KIAA1549: variants seen among roughly 807,000 people sequenced by gnomAD.
The protein encoded by KIAA1549 is UPF0606 protein KIAA1549.
KIAA1549 carries 70 observed loss-of-function variants against 156.4 expected under a neutral mutation model. The ratio of observed to expected loss-of-function variants is 0.45; its 90% confidence interval spans 0.37 to 0.55. The LOEUF is 0.55. Among genes scored for constraint, KIAA1549 ranks in the 20% least tolerant of loss-of-function variants. KIAA1549 has a pLI of 0.00. For synonymous variants in KIAA1549, 1,103 were observed against 1,066.4 expected (o/e 1.03, Z -0.67); for missense variants, 2,428 against 2,540.9 (o/e 0.96, Z 0.96).
chr7:138,935,271 T>C (rs1396545589), intron 1 of KIAA1549, among the ~76,000 whole-genome samples: 3 of 152,244 alleles, frequency 2.0e-5, no homozygotes, highest in African/African-American at 7.2e-5. Flanking sequence ...TGCATGACTT[T>C]CTCATTTGAG....
At chr7:138,890,176 G>T (rs976791200) in intron 10 of KIAA1549, among the ~76,000 whole-genome samples, 1 of 152,200 alleles carries the variant, frequency 6.6e-6, no homozygotes, top group African/African-American at 2.4e-5. Context: ...CCAGGAGACT[G>T]ACTGGTGGGC....
intron 1 of KIAA1549, among the ~76,000 whole-genome samples, chr7:138,964,112 C>T (rs1813942266): frequency 1.3e-5 from 2 of 152,204 alleles, no homozygotes; most frequent in African/African-American, 4.8e-5. Flanking sequence ...TTTCTCTTAA[C>T]CTACGTTTGG....
chr7:138,915,733 T>G (rs532124997), intron 2 of KIAA1549, among the ~76,000 whole-genome samples: 138 of 152,200 alleles, frequency 9.1e-4, no homozygotes, highest in Non-Finnish European at 1.6e-3. Flanking sequence ...CCTTTTTCAT[T>G]TCTGTCCTCC....
chr7:138,960,400 C>CA (rs1438150083), intron 1 of KIAA1549, among the ~76,000 whole-genome samples: 11 of 104,128 alleles, frequency 1.1e-4, no homozygotes, highest in Admixed American at 3.8e-4. Context: ...ACCTCTGCCC[C>CA]CCGGTTCAAG....
chr7:138,906,187 G>GA (rs1812000873), intron 6 of KIAA1549, among the ~76,000 whole-genome samples: 1 of 152,112 alleles, frequency 6.6e-6, no homozygotes, highest in Non-Finnish European at 1.5e-5. Flanking sequence ...TATTTCATTT[G>GA]AAAAAAGTGG....
intron 15 of KIAA1549, among the ~76,000 whole-genome samples, chr7:138,862,232 C>T (rs1314939993): frequency 6.6e-6 from 1 of 152,098 alleles, no homozygotes; most frequent in East Asian, 1.9e-4. Context: ...CAGTGGCTCA[C>T]ACCTGTAATC....
intron 1 of KIAA1549, among the ~76,000 whole-genome samples, chr7:138,922,349 G>A (rs753765497): frequency 7.9e-5 from 12 of 152,172 alleles, no homozygotes; most frequent in Non-Finnish European, 1.6e-4. Flanking sequence ...AGCTAGAGTT[G>A]CAGAGCACAG....
intron 8 of KIAA1549, among the ~76,000 whole-genome samples, chr7:138,903,363 C>T (rs1435130931): frequency 6.6e-6 from 1 of 152,232 alleles, no homozygotes; most frequent in African/African-American, 2.4e-5. Context: ...TATTGTTATA[C>T]TACTACTTAC....
Position 138,844,369 on chromosome 7 carries a change from G to A in KIAA1549, c.5400C>T (p.Tyr1800=), listed in dbSNP as rs760416898. The change falls in exon 18 of 20, where the codon TAC becomes TAT. Residue 1800 remains tyrosine (Y), a synonymous_variant. Coordinates refer to ENST00000422774, the MANE Select transcript of KIAA1549 (RefSeq NM_001164665.2). ...AEAPFAARGI[Y]SEEMPSVARP... is the part of the protein sequence containing the mutation. ...GGGCCACCGACGGCATCTCCTCCGA[G>A]TAGATCCCTCTGGCAGCAAATGGGG... is the stretch of plus-strand genomic sequence containing the variant. The A allele has an allele frequency of 1.9e-6, 3 of 1,613,272 alleles. No individual in the cohort carries two copies. Among genetic ancestry groups the A allele is most frequent in the South Asian group, 2.2e-5 (2 of 90,976 alleles).
At chr7:138,874,856 G>A (rs539706556) in intron 12 of KIAA1549, among the ~76,000 whole-genome samples, 15 of 152,102 alleles carry the variant, frequency 9.9e-5, no homozygotes, top group African/African-American at 3.4e-4. Context: ...ATAACCCGGC[G>A]TGGTGGTGTA....
chr7:138,954,350 T>C (rs17680694), intron 1 of KIAA1549, among the ~76,000 whole-genome samples: 2,186 of 152,228 alleles, frequency 0.014, 23 homozygotes, highest in Middle Eastern at 0.024. Context: ...TCACGGGGCA[T>C]GGCTAAGTCG....
chr7:138,942,746 T>A (rs1813220061), intron 1 of KIAA1549, among the ~76,000 whole-genome samples: 1 of 151,782 alleles, frequency 6.6e-6, no homozygotes, highest in African/African-American at 2.4e-5. Context: ...CCATCTCTAC[T>A]GAAAATATAA....
chr7:138,881,947 T>C (rs1811257246), intron 10 of KIAA1549, among the ~76,000 whole-genome samples: 2 of 152,076 alleles, frequency 1.3e-5, no homozygotes, highest in South Asian at 4.1e-4. Flanking sequence ...AAGAGGAGGC[T>C]ACAAAGAGAA....
At chr7:138,887,150 T>C (rs1204501847) in intron 10 of KIAA1549, among the ~76,000 whole-genome samples, 1 of 152,102 alleles carries the variant, frequency 6.6e-6, no homozygotes, top group Non-Finnish European at 1.5e-5. Context: ...CCTTAGGTTA[T>C]CCGCCTGCTT....
chr7:138,840,256 T>C lies in KIAA1549; in HGVS notation c.5475A>G (p.Thr1825=). ...CAATTCTGCTGGCAATCCCCACCTG[T>C]GTCAGGTGCTGGATCTGGGAGCCTG... ...GTTGSQIQHL[T]QVGIASRIGA... Residue 1825 remains threonine (T), a synonymous_variant, in exon 19 of 20, where the codon ACA becomes ACG. Transcript: ENST00000422774. 1 of 1,597,858 alleles carries C rather than the reference T, an allele frequency of 6.3e-7. No homozygotes were observed. The highest frequency in any genetic ancestry group is 8.5e-7 in the Non-Finnish European group (1 of 1,172,442).
At chr7:138,973,891 G>A (rs746597906) in intron 1 of KIAA1549, among the ~76,000 whole-genome samples, 2 of 152,178 alleles carry the variant, frequency 1.3e-5, no homozygotes, top group East Asian at 1.9e-4. Context: ...CAATCCTCCC[G>A]CCTTGGGCTT....
At chr7:138,974,342 G>T (rs1814309963) in intron 1 of KIAA1549, among the ~76,000 whole-genome samples, 2 of 152,056 alleles carry the variant, frequency 1.3e-5, no homozygotes, top group Admixed American at 6.6e-5. Flanking sequence ...AGTCCTGAAA[G>T]AGGGCAGGGA....
At chr7:138,908,363 C>A (rs1254595159) in intron 5 of KIAA1549, among the ~76,000 whole-genome samples, 1 of 152,084 alleles carries the variant, frequency 6.6e-6, no homozygotes, top group Non-Finnish European at 1.5e-5. Context: ...GAACAATGAA[C>A]AAAAAGCTTA....
At chr7:138,950,872 C>T (rs1192059521) in intron 1 of KIAA1549, among the ~76,000 whole-genome samples, 3 of 150,198 alleles carry the variant, frequency 2.0e-5, no homozygotes, top group East Asian at 2.0e-4. Flanking sequence ...CCGACCACCT[C>T]GCCACACTTT....
Sources: allele counts gnomAD v4.1 joint callset (sites outside exome capture counted in the v4.1 genomes callset), GRCh38; gene constraint gnomAD v4.1.1; transcripts MANE v1.5; gene names NCBI Gene and HGNC (gene_info 2026-07-23, HGNC 2026-07-21).